The following TFDP2 variants were observed in gnomAD, a reference collection of about 807,000 sequenced individuals.
The protein encoded by TFDP2 is transcription factor Dp-2 (E2F dimerization partner 2).
A neutral mutation model predicts 59.3 loss-of-function variants in TFDP2; 17 were observed. The observed-to-expected ratio is 0.29, with a 90% CI of 0.20 to 0.43. The LOEUF is 0.43. Among genes scored for constraint, TFDP2 ranks in the 20% least tolerant of loss-of-function variants. TFDP2 has a pLI of 1.00. For missense variants in TFDP2, 391 were observed against 528.8 expected, an observed-to-expected ratio of 0.74 and a Z score of 2.56; for synonymous variants, 180 against 194.7, an observed-to-expected ratio of 0.92 and a Z score of 0.63.
chr3:142,132,653 G>A (rs2062560308), intron 1 of TFDP2, among the ~76,000 whole-genome samples: 1 of 148,258 alleles, frequency 6.7e-6, no homozygotes, highest in Non-Finnish European at 1.5e-5. Context: ...GCTGAGGCAG[G>A]AGAATCGCTT....
At chr3:142,077,712 C>T (rs971078178) in intron 3 of TFDP2, among the ~76,000 whole-genome samples, 1 of 152,066 alleles carries the variant, frequency 6.6e-6, no homozygotes, top group Non-Finnish European at 1.5e-5. Flanking sequence ...TTGGGTGAGA[C>T]TCTGAGACAT....
At chr3:142,080,415 G>A (rs775829776) in intron 3 of TFDP2, among the ~76,000 whole-genome samples, 8 of 151,948 alleles carry the variant, frequency 5.3e-5, no homozygotes, top group Non-Finnish European at 7.4e-5. Flanking sequence ...TAAAAGGAAC[G>A]CAGGAAGGAA....
chr3:142,037,999 A>G (rs1164257060), intron 3 of TFDP2, among the ~76,000 whole-genome samples: 2 of 152,200 alleles, frequency 1.3e-5, no homozygotes, highest in East Asian at 3.8e-4. Flanking sequence ...ACTGAGTGAA[A>G]GAATATAAAT....
intron 1 of TFDP2, among the ~76,000 whole-genome samples, chr3:142,108,626 A>T (rs111489778): frequency 6.6e-6 from 1 of 152,204 alleles, no homozygotes; most frequent in Admixed American, 6.5e-5. Context: ...ATTCCTTTAC[A>T]TCGTTATACT....
At chr3:141,994,348 T>A (rs758469446) in intron 5 of TFDP2, 1 of 152,172 alleles carries the variant, frequency 6.6e-6, no homozygotes. Context: ...TATTCCACCA[T>A]GTAAATAACT....
At chr3:142,034,633 T>G (rs1946598746) in intron 3 of TFDP2, among the ~76,000 whole-genome samples, 1 of 152,184 alleles carries the variant, frequency 6.6e-6, no homozygotes, top group South Asian at 2.1e-4. Context: ...AATGTGTGCT[T>G]ATGCTCCATA....
At chr3:142,004,818 G>A (rs1193213992) in intron 4 of TFDP2, among the ~76,000 whole-genome samples, 1 of 152,080 alleles carries the variant, frequency 6.6e-6, no homozygotes, top group African/African-American at 2.4e-5. Context: ...AAAAAAGCAG[G>A]AAGACATAAA....
At chr3:142,016,110 C>T (rs759399327) in intron 3 of TFDP2, among the ~76,000 whole-genome samples, 46 of 151,994 alleles carry the variant, frequency 3.0e-4, no homozygotes, top group Middle Eastern at 3.4e-3. Context: ...CTCCTGGGTT[C>T]GAGCAATTCT....
At chr3:142,123,086 T>C (rs981983710) in intron 1 of TFDP2, among the ~76,000 whole-genome samples, 4 of 152,060 alleles carry the variant, frequency 2.6e-5, no homozygotes, top group African/African-American at 4.8e-5. Flanking sequence ...CTCAGCCTGC[T>C]GAGTAGCTGA....
intron 3 of TFDP2, among the ~76,000 whole-genome samples, chr3:142,084,158 T>C (rs919907300): frequency 1.3e-5 from 2 of 152,066 alleles, no homozygotes; most frequent in East Asian, 3.9e-4. Context: ...AATTAAAAAA[T>C]GGGCAAAAGA....
chr3:142,069,900 C>T (rs552672021), intron 3 of TFDP2, among the ~76,000 whole-genome samples: 4 of 151,652 alleles, frequency 2.6e-5, no homozygotes, highest in East Asian at 3.9e-4. Context: ...TGAGCCACCA[C>T]GCCTGGCCTT....
At chr3:142,108,271 G>A (rs1322707455) in intron 1 of TFDP2, among the ~76,000 whole-genome samples, 1 of 151,466 alleles carries the variant, frequency 6.6e-6, no homozygotes, top group Non-Finnish European at 1.5e-5. Context: ...CTGCAGTGGC[G>A]TGATCTTGGC....
chr3:142,007,574 A>T (rs1416009040), intron 3 of TFDP2, among the ~76,000 whole-genome samples: 1 of 152,200 alleles, frequency 6.6e-6, no homozygotes, highest in Non-Finnish European at 1.5e-5. Context: ...TATTACATTT[A>T]TTGTGCACTT....
At chr3:142,056,861 G>A (rs2059765794) in intron 3 of TFDP2, among the ~76,000 whole-genome samples, 1 of 152,138 alleles carries the variant, frequency 6.6e-6, no homozygotes, top group South Asian at 2.1e-4. Context: ...TACAGCCCTG[G>A]CCAATTGCTT....
chr3:142,043,786 T>C (rs138754822), intron 3 of TFDP2: 1 of 1,597,618 alleles, frequency 6.3e-7, no homozygotes, highest in Non-Finnish European at 8.6e-7. Context: ...CTTCAGCTTG[T>C]GGATGTGCTC....
chr3:142,079,734 C>A (rs1282106844), intron 3 of TFDP2, among the ~76,000 whole-genome samples: 1 of 152,068 alleles, frequency 6.6e-6, no homozygotes, highest in African/African-American at 2.4e-5. Flanking sequence ...AAGAGAGTGG[C>A]GTGACATATT....
In TFDP2 at chr3:141,995,154, GA is replaced by G; in HGVS notation, c.187-14del. 6.4e-7 allele frequency: 1 copy of G among 1,556,258 alleles called. No individual in the cohort carries two copies. Among genetic ancestry groups the G allele is most frequent in the Non-Finnish European group, 8.7e-7 (1 of 1,153,434 alleles). Reference sequence around the variant, plus strand: ...GTGTGCTTATAATCTGTAAAGTTAGGAACAAAGAATATAATATTCTTAATTA... The same window carrying G: ...GTGTGCTTATAATCTGTAAAGTTAGGACAAAGAATATAATATTCTTAATTA... On this transcript the variant is annotated splice_polypyrimidine_tract_variant and intron_variant, in intron 4 of 12. Transcript: ENST00000489671.
intron 6 of TFDP2, among the ~76,000 whole-genome samples, chr3:141,981,613 T>C (rs1036519639): frequency 2.0e-5 from 3 of 152,196 alleles, no homozygotes; most frequent in African/African-American, 7.2e-5. Flanking sequence ...AGACTACTTA[T>C]TTGAAATAAT....
chr3:141,976,603 T>C (rs886095793), intron 7 of TFDP2, among the ~76,000 whole-genome samples: 5 of 152,130 alleles, frequency 3.3e-5, no homozygotes, highest in African/African-American at 1.2e-4. Context: ...AGCAGTGTAA[T>C]GGCCTGATCA....
Sources: allele counts gnomAD v4.1 joint callset (sites outside exome capture counted in the v4.1 genomes callset), GRCh38; gene constraint gnomAD v4.1.1; transcripts MANE v1.5; gene names NCBI Gene and HGNC (gene_info 2026-07-23, HGNC 2026-07-21).